The following QKI variants were observed in gnomAD, a reference collection of about 807,000 sequenced individuals.
The protein encoded by QKI is QKI, KH domain containing RNA binding.
A neutral mutation model predicts 39.0 loss-of-function variants in QKI; 10 were observed. The observed-to-expected ratio is 0.26, with a 90% CI of 0.16 to 0.43. QKI has a LOEUF of 0.43. QKI is among the 20% of genes least tolerant of loss of function. QKI has a pLI of 1.00. For missense variants in QKI, 218 were observed against 428.0 expected, an observed-to-expected ratio of 0.51 and a Z score of 4.33; for synonymous variants, 204 against 155.4, an observed-to-expected ratio of 1.31 and a Z score of -2.33.
intron 1 of QKI, among the ~76,000 whole-genome samples, chr6:163,427,243 C>CTTTTTTTTTTTTTTTTT (rs11375326): frequency 1.2e-5 from 1 of 85,794 alleles, no homozygotes; most frequent in East Asian, 3.6e-4. Flanking sequence ...ATACTCGTAC[C>CTTTTTTTTTTTTTTTTT]TTTTTTTTTT....
chr6:163,476,215 C>T (rs1792587149), intron 2 of QKI, among the ~76,000 whole-genome samples: 1 of 150,036 alleles, frequency 6.7e-6, no homozygotes, highest in Non-Finnish European at 1.5e-5. Flanking sequence ...AATTTTTATA[C>T]TATACGGAGG....
intron 3 of QKI, among the ~76,000 whole-genome samples, chr6:163,492,133 A>G (rs546295469): frequency 4.6e-5 from 7 of 152,316 alleles, no homozygotes; most frequent in Non-Finnish European, 1.5e-5. Context: ...ATGTGTATTA[A>G]TGCTGCAGCA....
chr6:163,502,211 T>C (rs1778814104), intron 3 of QKI, among the ~76,000 whole-genome samples: 1 of 151,918 alleles, frequency 6.6e-6, no homozygotes, highest in Non-Finnish European at 1.5e-5. Context: ...TGTTCCCAAC[T>C]ACTTGGGAGG....
intron 2 of QKI, among the ~76,000 whole-genome samples, chr6:163,462,926 A>G (rs1314810274): frequency 6.6e-6 from 1 of 152,222 alleles, no homozygotes; most frequent in Non-Finnish European, 1.5e-5. Context: ...CCTTGCTGGT[A>G]TTGCCATTCG....
At chr6:163,493,445 G>A (rs1778195712) in intron 3 of QKI, among the ~76,000 whole-genome samples, 1 of 152,072 alleles carries the variant, frequency 6.6e-6, no homozygotes. Context: ...ACTTTTTAAT[G>A]GTTATAAGTA....
intron 3 of QKI, among the ~76,000 whole-genome samples, chr6:163,489,478 G>A (rs936123550): frequency 6.7e-6 from 1 of 149,376 alleles, no homozygotes; most frequent in Non-Finnish European, 1.5e-5. Context: ...AGTCATTACT[G>A]TTATGAACAC....
chr6:163,480,687 A>G (rs1232930620), intron 3 of QKI, among the ~76,000 whole-genome samples: 1 of 152,180 alleles, frequency 6.6e-6, no homozygotes, highest in Non-Finnish European at 1.5e-5. Flanking sequence ...AAATGTGCAT[A>G]TTTTGAATCA....
At chr6:163,471,579 A>C (rs1792184640) in intron 2 of QKI, among the ~76,000 whole-genome samples, 1 of 152,170 alleles carries the variant, frequency 6.6e-6, no homozygotes, top group African/African-American at 2.4e-5. Flanking sequence ...AAAAGTACAA[A>C]TGAACATTAA....
chr6:163,577,443 T>C lies in QKI; in HGVS notation c.*6733T>C, dbSNP rs1305790657. 6.6e-6 allele frequency: 1 copy of C among 152,150 alleles called. No individual in the cohort carries two copies. Among genetic ancestry groups the C allele is most frequent in the East Asian group, 1.9e-4 (1 of 5,206 alleles). 9.4% of individuals were successfully genotyped at this position (152,150 alleles called of 1,614,324 possible). The stretch of plus-strand genomic sequence containing the variant: ...GCCCATATTAGATTTTTTTTTTAAT[T>C]CTTCACAAAATCTGCTCTTCCTGAA... On this transcript the variant is annotated 3_prime_UTR_variant, in exon 8 of 8. Transcript: ENST00000361752.
At chr6:163,415,643 A>G (rs1382183178) in intron 1 of QKI, among the ~76,000 whole-genome samples, 1 of 151,152 alleles carries the variant, frequency 6.6e-6, no homozygotes, top group African/African-American at 2.4e-5. Context: ...CGGCGGTCAC[A>G]TTTCCGAGAG....
chr6:163,461,602 G>C lies in QKI; in HGVS notation c.285+6181G>C, dbSNP rs1791356066. The stretch of plus-strand genomic sequence containing the variant: ...GATAATTTGATATCTACTCATAGGT[G>C]TTCAATCTCCATATCTCTTAAGATT... On this transcript the variant is annotated intron_variant, in intron 2 of 7. Transcript: ENST00000361752. Among the ~76,000 whole-genome samples the C allele has an allele frequency of 2.6e-5, 4 of 152,162 alleles. No individual in the cohort carries two copies. In the South Asian group the frequency reaches 6.2e-4, roughly 24 times the overall value.
intron 1 of QKI, among the ~76,000 whole-genome samples, chr6:163,438,162 G>A (rs1789458122): frequency 6.6e-6 from 1 of 152,144 alleles, no homozygotes; most frequent in Admixed American, 6.5e-5. Context: ...TCTTTTCTAA[G>A]TATTTTTTAT....
chr6:163,523,870 T>G (rs1232941663), intron 3 of QKI, among the ~76,000 whole-genome samples: 1 of 152,192 alleles, frequency 6.6e-6, no homozygotes, highest in African/African-American at 2.4e-5. Flanking sequence ...AGCTTACCAT[T>G]ATGTACACTG....
Position 163,453,402 on chromosome 6 carries a change from TTAAA to T in QKI, c.143-1873_143-1870del, listed in dbSNP as rs562229355. ...AATAGGTAGTTTCCGAAGAAGATAT[TTAAA>T]TAATAATTATATGGAAAGTGCTTTT... On this transcript the variant is annotated intron_variant, in intron 1 of 7. Coordinates refer to ENST00000361752, the MANE Select transcript of QKI (RefSeq NM_006775.3). 3.7e-3 allele frequency among the ~76,000 whole-genome samples: 558 copies of T among 152,264 alleles called. 5 individuals are homozygous for T. The highest frequency in any genetic ancestry group is 0.012 in the African/African-American group (506 of 41,572).
At chr6:163,562,613 G>GT (rs1383719283) in intron 5 of QKI, among the ~76,000 whole-genome samples, 1 of 152,044 alleles carries the variant, frequency 6.6e-6, no homozygotes, top group Non-Finnish European at 1.5e-5. Context: ...ATCTATGCAT[G>GT]TTTTTATAAG....
At chr6:163,513,319 A>G (rs1343478935) in intron 3 of QKI, among the ~76,000 whole-genome samples, 2 of 152,210 alleles carry the variant, frequency 1.3e-5, no homozygotes, top group African/African-American at 4.8e-5. Flanking sequence ...TTAAGAAAAA[A>G]CAAGTAGAAC....
intron 3 of QKI, among the ~76,000 whole-genome samples, chr6:163,512,329 A>G (rs1033905984): frequency 1.3e-5 from 2 of 152,120 alleles, no homozygotes; most frequent in African/African-American, 2.4e-5. Flanking sequence ...TAAAGGTCCT[A>G]GCAAGTGCAA....
At chr6:163,561,875 GGTGACTGT>G in intron 4 of QKI, 99 bp from the exon 5 acceptor site, 2 of 739,824 alleles carry the variant, frequency 2.7e-6, no homozygotes, top group African/African-American at 3.5e-5. Context: ...TATTAAAACA[GGTGACTGT>G]AGTCACATGA....
chr6:163,417,641 C>T (rs563396270), intron 1 of QKI, among the ~76,000 whole-genome samples: 1 of 152,118 alleles, frequency 6.6e-6, no homozygotes, highest in Non-Finnish European at 1.5e-5. Context: ...AAATAGTACT[C>T]GTTTGCGTTT....
Sources: gnomAD v4.1 joint callset for allele counts (sites outside exome capture counted in the v4.1 genomes callset) on GRCh38, gnomAD v4.1.1 for gene constraint, MANE v1.5 for transcripts, NCBI Gene and HGNC (gene_info 2026-07-23, HGNC 2026-07-21) for gene names.